Variants in PRIM2 observed in about 807,000 individuals in gnomAD.
PRIM2 encodes DNA primase large subunit.
In PRIM2, 39 loss-of-function variants were observed where a neutral mutation model predicts 67.3. The ratio of observed to expected loss-of-function variants is 0.58; its 90% CI spans 0.45 to 0.76. The LOEUF (loss-of-function observed/expected upper bound fraction) is 0.76, where lower values mean the gene tolerates loss of function less well. PRIM2 is among the 30% of genes least tolerant of loss of function. The pLI is 0.00. For synonymous variants in PRIM2, 143 were observed against 198.7 expected (o/e 0.72, Z 2.36); for missense variants, 398 against 598.7 (o/e 0.66, Z 3.50).
chr6:57,557,671 TA>T (rs1425885789), intron 10 of PRIM2, among the ~76,000 whole-genome samples: 1 of 151,624 alleles, frequency 6.6e-6, no homozygotes, highest in African/African-American at 2.4e-5. Context: ...TATTGGGTAC[TA>T]AGCTTAGTAC....
chr6:57,594,811 A>G (rs1262613313), intron 10 of PRIM2, among the ~76,000 whole-genome samples: 1 of 152,224 alleles, frequency 6.6e-6, no homozygotes, highest in Non-Finnish European at 1.5e-5. Flanking sequence ...CATCAAAAAT[A>G]AAAACACCTG....
chr6:57,224,094 G>C, the PRIM2 span, among the ~76,000 whole-genome samples: 1 of 152,172 alleles, frequency 6.6e-6, no homozygotes, highest in African/African-American at 2.4e-5. Context: ...TGGATGAATG[G>C]ATGAACAAAA....
the PRIM2 span, among the ~76,000 whole-genome samples, chr6:57,266,082 C>A: frequency 1.3e-5 from 2 of 152,132 alleles, no homozygotes; most frequent in Non-Finnish European, 1.5e-5. Flanking sequence ...ACAAATAAGA[C>A]ACCCAGAAAC....
chr6:57,236,609 C>G, the PRIM2 span, among the ~76,000 whole-genome samples: 1 of 152,002 alleles, frequency 6.6e-6, no homozygotes, highest in Non-Finnish European at 1.5e-5. Flanking sequence ...TGTTCCCCTT[C>G]CTGTGTCCAG....
intron 7 of PRIM2, among the ~76,000 whole-genome samples, chr6:57,399,313 A>T (rs1244521416): frequency 3.9e-5 from 6 of 152,222 alleles, no homozygotes; most frequent in African/African-American, 1.2e-4. Context: ...GCCTTGCGAT[A>T]GTTTGCTCAG....
At chr6:57,463,587 A>G (rs1183372361) in intron 7 of PRIM2, among the ~76,000 whole-genome samples, 1 of 152,212 alleles carries the variant, frequency 6.6e-6, no homozygotes, top group Non-Finnish European at 1.5e-5. Context: ...TGGTTCTATG[A>G]TTCAAAAAAC....
chr6:57,430,142 C>G (rs1771768975), intron 7 of PRIM2, among the ~76,000 whole-genome samples: 1 of 151,954 alleles, frequency 6.6e-6, no homozygotes, highest in Non-Finnish European at 1.5e-5. Flanking sequence ...ATCAAATAGC[C>G]CTTTGAATTT....
chr6:57,497,445 T>C (rs1215463081), intron 7 of PRIM2: 1 of 152,210 alleles, frequency 6.6e-6, no homozygotes, highest in Non-Finnish European at 1.5e-5. Flanking sequence ...CAAGCTTCTT[T>C]TCACACCATA....
the PRIM2 span, among the ~76,000 whole-genome samples, chr6:57,237,874 G>A: frequency 6.6e-6 from 1 of 152,054 alleles, no homozygotes; most frequent in East Asian, 1.9e-4. Flanking sequence ...TGTTCTTTTG[G>A]CTTAGGATTG....
chr6:57,416,427 T>C (rs1208911090), intron 7 of PRIM2, among the ~76,000 whole-genome samples: 25 of 152,166 alleles, frequency 1.6e-4, no homozygotes, highest in African/African-American at 5.8e-4. Flanking sequence ...CAGAGTGGAT[T>C]TGGCCTAATT....
intron 7 of PRIM2, among the ~76,000 whole-genome samples, chr6:57,485,367 C>T (rs1773729431): frequency 1.3e-5 from 2 of 152,164 alleles, no homozygotes. Context: ...CCTTTTGATA[C>T]TGCTGTTTTC....
At chr6:57,474,205 A>AGACGGAGTCTT (rs1299897440) in intron 7 of PRIM2, among the ~76,000 whole-genome samples, 2 of 29,944 alleles carry the variant, frequency 6.7e-5, no homozygotes, top group South Asian at 1.3e-3. Flanking sequence ...TTTTTTTTTG[A>AGACGGAGTCTT]GCTCTGTCAC....
chr6:57,584,868 T>C (rs1384989032), intron 10 of PRIM2, among the ~76,000 whole-genome samples: 2 of 152,234 alleles, frequency 1.3e-5, no homozygotes, highest in Non-Finnish European at 2.9e-5. Context: ...AGGTAACTTA[T>C]AATTGCCTAA....
chr6:57,272,509 C>G, the PRIM2 span, among the ~76,000 whole-genome samples: 2 of 152,146 alleles, frequency 1.3e-5, no homozygotes, highest in Non-Finnish European at 2.9e-5. Context: ...TTATTTTGAG[C>G]CTATGTGTGT....
At chr6:57,460,652 A>G (rs1384026080) in intron 7 of PRIM2, among the ~76,000 whole-genome samples, 1 of 150,590 alleles carries the variant, frequency 6.6e-6, no homozygotes, top group Non-Finnish European at 1.5e-5. Flanking sequence ...TTGAACTTTC[A>G]GGTTGACCAC....
intron 10 of PRIM2, among the ~76,000 whole-genome samples, chr6:57,540,242 CACTT>C (rs1193209323): frequency 6.6e-6 from 1 of 151,992 alleles, no homozygotes; most frequent in East Asian, 1.9e-4. Flanking sequence ...GTCTTTCTGT[CACTT>C]ACACACACAT....
chr6:57,540,791 C>T (rs1419857822), intron 10 of PRIM2, among the ~76,000 whole-genome samples: 2 of 152,154 alleles, frequency 1.3e-5, no homozygotes, highest in African/African-American at 4.8e-5. Flanking sequence ...ATAAAATTAA[C>T]TGTAGCACAT....
At chr6:57,518,760 T>C (rs1774541234) in intron 8 of PRIM2, among the ~76,000 whole-genome samples, 4 of 152,238 alleles carry the variant, frequency 2.6e-5, no homozygotes, top group Admixed American at 2.6e-4. Context: ...CTGCTGTTTT[T>C]ATCTTTTGTT....
intron 7 of PRIM2, among the ~76,000 whole-genome samples, chr6:57,418,104 C>G (rs1206017836): frequency 6.6e-6 from 1 of 151,966 alleles, no homozygotes; most frequent in Non-Finnish European, 1.5e-5. Context: ...TAAAAAATGC[C>G]TCAACAAACA....
Sources: allele counts gnomAD v4.1 joint callset (sites outside exome capture counted in the v4.1 genomes callset), GRCh38; gene constraint gnomAD v4.1.1; transcripts MANE v1.5; gene names NCBI Gene and HGNC (gene_info 2026-07-23, HGNC 2026-07-21).